Variants in PXDNL observed in about 807,000 individuals in gnomAD.
PXDNL encodes the protein peroxidasin like, also known as probable oxidoreductase PXDNL.
In PXDNL, 145 loss-of-function variants were observed where a neutral mutation model predicts 150.8. That is an observed-to-expected ratio of 0.96 (90% confidence interval 0.84 to 1.10). PXDNL has a LOEUF of 1.10. Ranked by LOEUF, PXDNL falls within the 50% of genes least tolerant of loss-of-function variation. The pLI, the probability that PXDNL is intolerant of heterozygous loss-of-function variation, is 0.00. For missense variants in PXDNL, 2,087 were observed against 1,873.9 expected, an observed-to-expected ratio of 1.11 and a Z score of -2.10; for synonymous variants, 757 against 725.7, an observed-to-expected ratio of 1.04 and a Z score of -0.69.
intron 2 of PXDNL, among the ~76,000 whole-genome samples, chr8:51,620,806 A>C (rs1359044262): frequency 6.6e-6 from 1 of 152,156 alleles, no homozygotes; most frequent in African/African-American, 2.4e-5. Flanking sequence ...TTGGCCTCCC[A>C]AAGTACTAGG....
At chr8:51,608,005 GAAA>G (rs1813883202) in intron 2 of PXDNL, among the ~76,000 whole-genome samples, 2 of 40,912 alleles carry the variant, frequency 4.9e-5, no homozygotes, top group Non-Finnish European at 8.6e-5. Context: ...AAGGAAGGAA[GAAA>G]GAAAGAAAGA....
At chr8:51,563,052 C>A (rs1202038917) in intron 3 of PXDNL, among the ~76,000 whole-genome samples, 1 of 151,916 alleles carries the variant, frequency 6.6e-6, no homozygotes, top group East Asian at 1.9e-4. Flanking sequence ...ACTACCTAGA[C>A]TTGTGTTTCA....
At chr8:51,673,334 T>C (rs1448771825) in intron 1 of PXDNL, among the ~76,000 whole-genome samples, 1 of 152,190 alleles carries the variant, frequency 6.6e-6, no homozygotes, top group African/African-American at 2.4e-5. Flanking sequence ...TAATAGTGAC[T>C]CTTGCTGCAG....
chr8:51,434,427 C>A (rs749161076), intron 12 of PXDNL, among the ~76,000 whole-genome samples: 1 of 152,198 alleles, frequency 6.6e-6, no homozygotes, highest in Non-Finnish European at 1.5e-5. Context: ...ACACTTAACA[C>A]TCTCTGGAAT....
intron 1 of PXDNL, among the ~76,000 whole-genome samples, chr8:51,750,138 T>C (rs893218407): frequency 2.6e-5 from 4 of 152,232 alleles, no homozygotes; most frequent in African/African-American, 9.6e-5. Context: ...ACAAATACAT[T>C]GTACAGCTGT....
intron 9 of PXDNL, among the ~76,000 whole-genome samples, chr8:51,456,298 G>A (rs868113896): frequency 6.6e-6 from 1 of 152,168 alleles, no homozygotes; most frequent in Non-Finnish European, 1.5e-5. Flanking sequence ...TCTCTTGAAT[G>A]TGCCTTGCTC....
At chr8:51,507,410 A>C (rs140142845) in intron 4 of PXDNL, among the ~76,000 whole-genome samples, 377 of 152,346 alleles carry the variant, frequency 2.5e-3, no homozygotes, top group African/African-American at 8.8e-3. Flanking sequence ...ACAGAACAGT[A>C]AGGAGCTGAG....
chr8:51,801,318 T>C (rs538080476), intron 1 of PXDNL, among the ~76,000 whole-genome samples: 1 of 152,266 alleles, frequency 6.6e-6, no homozygotes, highest in East Asian at 1.9e-4. Context: ...TCGAACCCTG[T>C]TTTCTGTTAA....
chr8:51,723,987 AG>A (rs1425422221), intron 1 of PXDNL, among the ~76,000 whole-genome samples: 3 of 143,990 alleles, frequency 2.1e-5, no homozygotes, highest in Non-Finnish European at 4.5e-5. Context: ...GAGGAGTTTG[AG>A]GGTTGAATTG....
intron 3 of PXDNL, among the ~76,000 whole-genome samples, chr8:51,587,381 C>G (rs546775698): frequency 6.6e-6 from 1 of 152,094 alleles, no homozygotes; most frequent in East Asian, 1.9e-4. Context: ...TATTCTCAAA[C>G]AATTGTATTT....
intron 19 of PXDNL, among the ~76,000 whole-genome samples, chr8:51,357,377 C>CT (rs1806542436): frequency 6.6e-6 from 1 of 152,166 alleles, no homozygotes; most frequent in Admixed American, 6.5e-5. Flanking sequence ...GATGGCAGTT[C>CT]CTGTGCAAAT....
At chr8:51,347,312 T>C (rs1211741827) in intron 19 of PXDNL, among the ~76,000 whole-genome samples, 2 of 152,176 alleles carry the variant, frequency 1.3e-5, no homozygotes, top group Non-Finnish European at 2.9e-5. Flanking sequence ...TAAGCTAACA[T>C]GAATATGAAA....
intron 2 of PXDNL, among the ~76,000 whole-genome samples, chr8:51,628,399 CTTTTTTTT>C (rs71550276): frequency 4.3e-5 from 3 of 69,748 alleles, no homozygotes; most frequent in African/African-American, 5.9e-5. Context: ...CTTTTCTTTT[CTTTTTTTT>C]TTTTTTTTTT....
intron 21 of PXDNL, among the ~76,000 whole-genome samples, chr8:51,322,297 A>G (rs1805346961): frequency 6.6e-6 from 1 of 151,352 alleles, no homozygotes; most frequent in Non-Finnish European, 1.5e-5. Flanking sequence ...TTTCAGGAGA[A>G]CAAGCAGGGA....
chr8:51,735,420 G>A (rs1303072604), intron 1 of PXDNL, among the ~76,000 whole-genome samples: 2 of 151,874 alleles, frequency 1.3e-5, no homozygotes, highest in African/African-American at 2.4e-5. Context: ...TGAAGGCAGA[G>A]GTTGCAGTGA....
In PXDNL at chr8:51,663,308, C is replaced by G. The variant is rs528055376; in HGVS notation, c.165-8548G>C. ...CACCATTGGCTGACTACCAAGGGCC[C>G]GAGGCTGCACCGGAAAACCCATCTC... On this transcript the variant is annotated intron_variant, in intron 1 of 22. Coordinates refer to ENST00000356297, the MANE Select transcript of PXDNL (RefSeq NM_144651.5). 5.3e-4 allele frequency among the ~76,000 whole-genome samples: 81 copies of G among 152,236 alleles called. 1 individual carries two copies. The highest frequency in any genetic ancestry group is 1.9e-3 in the African/African-American group (79 of 41,550).
intron 5 of PXDNL, among the ~76,000 whole-genome samples, chr8:51,496,852 C>T (rs991121788): frequency 6.6e-6 from 1 of 152,112 alleles, no homozygotes; most frequent in Admixed American, 6.5e-5. Context: ...TGAAAATGGC[C>T]AACTGCCCAA....
At chr8:51,415,452 G>C (rs1471098218) in intron 14 of PXDNL, among the ~76,000 whole-genome samples, 1 of 152,140 alleles carries the variant, frequency 6.6e-6, no homozygotes, top group Non-Finnish European at 1.5e-5. Context: ...AGCAAAGGGA[G>C]AGAGGCTACA....
At chr8:51,531,167 C>T (rs771870642) in intron 4 of PXDNL, among the ~76,000 whole-genome samples, 2 of 152,182 alleles carry the variant, frequency 1.3e-5, no homozygotes, top group African/African-American at 2.4e-5. Context: ...CCAACAAATG[C>T]CCCCAAAAGT....
Sources: gnomAD v4.1 joint callset for allele counts (sites outside exome capture counted in the v4.1 genomes callset) on GRCh38, gnomAD v4.1.1 for gene constraint, MANE v1.5 for transcripts, NCBI Gene and HGNC (gene_info 2026-07-23, HGNC 2026-07-21) for gene names.